FGF13: variants seen among roughly 807,000 people sequenced by gnomAD.
The protein encoded by FGF13 is fibroblast growth factor homologous factor 2.
FGF13 carries 2 observed loss-of-function variants against 19.5 expected under a neutral mutation model. The observed-to-expected ratio is 0.10, with a 90% CI of 0.04 to 0.32. The LOEUF (loss-of-function observed/expected upper bound fraction) is 0.32. FGF13 is among the 10% of genes least tolerant of loss of function. FGF13 has a pLI of 1.00. For missense variants in FGF13, 113 were observed against 192.7 expected, an observed-to-expected ratio of 0.59 and a Z score of 2.45; for synonymous variants, 72 against 76.9, an observed-to-expected ratio of 0.94 and a Z score of 0.33.
chrX:139,085,768 C>T (rs755541666), intron 1 of FGF13, among the ~76,000 whole-genome samples: 7 of 112,121 alleles, frequency 6.2e-5, no homozygotes, highest in Non-Finnish European at 9.4e-5. Context: ...CATCTACATA[C>T]AATAGACTAC....
Position 138,905,865 on chromosome X carries a change from T to C in FGF13, c.-112-41215A>G, listed in dbSNP as rs1483281577. Among the ~76,000 whole-genome samples the C allele has an allele frequency of 2.7e-5, 3 of 111,559 alleles. No individual in the cohort carries two copies. The East Asian group carries it at 8.5e-4, about 31-fold the overall frequency. Reference sequence around the variant, plus strand: ...TCTCTATCTGATCTAGCTTCACCAATGAACCACAGCTAAGCCAAAAAATGT... The same window carrying C: ...TCTCTATCTGATCTAGCTTCACCAACGAACCACAGCTAAGCCAAAAAATGT... On this transcript the variant is annotated intron_variant, in intron 1 of 2. Transcript: ENST00000421460.
chrX:138,866,461 TCTC>T (rs1602975360), intron 1 of FGF13, among the ~76,000 whole-genome samples: 2 of 112,356 alleles, frequency 1.8e-5, no homozygotes, highest in Non-Finnish European at 1.9e-5. Context: ...AAATGGATTT[TCTC>T]CTCTCTTAAG....
chrX:139,073,580 A>G (rs1236424347), intron 1 of FGF13, among the ~76,000 whole-genome samples: 1 of 111,315 alleles, frequency 9.0e-6, no homozygotes, highest in East Asian at 2.8e-4. Context: ...TTCCTATTAG[A>G]CAAAAGGATT....
At chrX:139,131,127 T>G (rs758239063) in intron 1 of FGF13, among the ~76,000 whole-genome samples, 11 of 111,553 alleles carry the variant, frequency 9.9e-5, no homozygotes, top group Middle Eastern at 4.8e-3. Context: ...AATTAGGAAT[T>G]GGGTAAACTA....
chrX:139,130,390 A>G (rs779690939), intron 1 of FGF13, among the ~76,000 whole-genome samples: 2 of 112,481 alleles, frequency 1.8e-5, no homozygotes, highest in South Asian at 7.3e-4. Context: ...TTCTGTCTCC[A>G]TTGCAAATGA....
chrX:138,814,153 G>A (rs1032726806), intron 3 of FGF13, among the ~76,000 whole-genome samples: 15 of 110,122 alleles, frequency 1.4e-4, no homozygotes, highest in African/African-American at 2.0e-4. Context: ...GTATAAATAT[G>A]TAAATTAATT....
chrX:138,976,301 T>C (rs1196161986), intron 1 of FGF13, among the ~76,000 whole-genome samples: 1 of 111,785 alleles, frequency 8.9e-6, no homozygotes, highest in East Asian at 2.8e-4. Context: ...AACCTACGTG[T>C]CCATCAACCA....
chrX:138,973,282 A>G (rs1368429095), intron 1 of FGF13, among the ~76,000 whole-genome samples: 1 of 111,682 alleles, frequency 9.0e-6, no homozygotes, highest in East Asian at 2.8e-4. Flanking sequence ...ATGTTGTTTA[A>G]TTTCTATGTA....
At chrX:138,694,450 TC>T (rs2089871189) in intron 3 of FGF13, among the ~76,000 whole-genome samples, 1 of 104,900 alleles carries the variant, frequency 9.5e-6, no homozygotes, top group African/African-American at 3.5e-5. Flanking sequence ...TCTTTTCTTT[TC>T]TTTTTTTTTT....
chrX:138,752,674 C>T (rs1250177160), intron 3 of FGF13, among the ~76,000 whole-genome samples: 1 of 111,719 alleles, frequency 9.0e-6, no homozygotes, highest in Non-Finnish European at 1.9e-5. Flanking sequence ...TTACCCCTGA[C>T]CTCCTGGAGT....
At chrX:139,064,890 A>G (rs1474623737) in intron 1 of FGF13, among the ~76,000 whole-genome samples, 11 of 110,701 alleles carry the variant, frequency 9.9e-5, no homozygotes, top group African/African-American at 3.6e-4. Context: ...TTTTTCTCTA[A>G]TCTTGTCTTC....
At chrX:138,739,326 CAGAG>C in exon 1 of FGF13, 1 of 1,171,782 alleles carries the variant, frequency 8.5e-7, no homozygotes, top group Non-Finnish European at 1.2e-6. Context: ...GGAGCAGACA[CAGAG>C]AGAGAGGAGA....
chrX:139,151,590 A>C (rs752970336), intron 1 of FGF13, among the ~76,000 whole-genome samples: 121 of 112,100 alleles, frequency 1.1e-3, no homozygotes, highest in Non-Finnish European at 7.7e-4. Flanking sequence ...AAGCTAATTT[A>C]ATTTTTTCAA....
chrX:138,779,966 T>G (rs2090624798), intron 3 of FGF13, among the ~76,000 whole-genome samples: 1 of 103,545 alleles, frequency 9.7e-6, no homozygotes, highest in African/African-American at 3.6e-5. Flanking sequence ...AGCGGATCTC[T>G]CGGCAGAAAC....
At chrX:138,941,776 T>G (rs182058619) in intron 1 of FGF13, among the ~76,000 whole-genome samples, 3,427 of 111,612 alleles carry the variant, frequency 0.031, 59 homozygotes, top group Non-Finnish European at 0.05. Context: ...GGCATCTCAT[T>G]CCTCTGAAAA....
At position 139,059,989 on chromosome X, in the gene FGF13, G is replaced by C. The variant is rs143350702; in HGVS notation, c.-113+143427C>G. On this transcript the variant is annotated intron_variant, in intron 1 of 2. Coordinates refer to the FGF13 transcript ENST00000421460. ...TCCAAGGCAGGTGTATAAATTGATAGTCCCTCAAAAGTCCCAATTCCTTTC... is the reference window on the plus strand; with the variant it reads ...TCCAAGGCAGGTGTATAAATTGATACTCCCTCAAAAGTCCCAATTCCTTTC... Among the ~76,000 whole-genome samples the C allele has an allele frequency of 4.4e-3, 493 of 111,813 alleles. 1 individual carries two copies. The highest frequency in any genetic ancestry group is 0.015 in the African/African-American group (464 of 30,820).
intron 2 of FGF13, 25 bp downstream of exon 2, chrX:138,708,793 T>C (rs2090015597): frequency 2.1e-6 from 2 of 947,433 alleles, no homozygotes; most frequent in Non-Finnish European, 3.0e-6. Flanking sequence ...TGCTGGCATA[T>C]ACTATTTATT....
chrX:138,865,010 C>T (rs1034984446), intron 1 of FGF13, among the ~76,000 whole-genome samples: 1 of 111,662 alleles, frequency 9.0e-6, no homozygotes, highest in African/African-American at 3.3e-5. Flanking sequence ...GGACCCCCAC[C>T]CAGGAGTTTC....
intron 1 of FGF13, among the ~76,000 whole-genome samples, chrX:138,913,837 G>A (rs190620183): frequency 1.4e-3 from 150 of 109,999 alleles, no homozygotes; most frequent in African/African-American, 4.9e-3. Context: ...GCAAAGATAA[G>A]ACTCCAGGAT....
Sources: gnomAD v4.1 joint callset for allele counts (sites outside exome capture counted in the v4.1 genomes callset) on GRCh38, gnomAD v4.1.1 for gene constraint, MANE v1.5 for transcripts, NCBI Gene and HGNC (gene_info 2026-07-23, HGNC 2026-07-21) for gene names.